The following SMCHD1 variants were observed in gnomAD, a reference collection of about 807,000 sequenced individuals.
SMCHD1 encodes structural maintenance of chromosomes flexible hinge domain-containing protein 1.
SMCHD1 carries 78 observed loss-of-function variants against 254.7 expected under a neutral mutation model. That is an observed-to-expected ratio of 0.31 (90% confidence interval 0.26 to 0.37). The LOEUF (loss-of-function observed/expected upper bound fraction) is 0.37, where lower values mean the gene tolerates loss of function less well. Among genes scored for constraint, SMCHD1 ranks in the 10% least tolerant of loss-of-function variants. The probability of loss-of-function intolerance (pLI) is 1.00; values close to 1 mark genes in which losing one functional copy is unlikely to be tolerated. For synonymous variants in SMCHD1, 766 were observed against 794.9 expected (o/e 0.96, Z 0.61); for missense variants, 1,840 against 2,408.1 (o/e 0.76, Z 4.94).
chr18:2,763,719 A>G lies in SMCHD1; in HGVS notation c.4649A>G (p.Asp1550Gly), dbSNP rs762690098. 1 of 1,610,040 alleles carries G rather than the reference A, an allele frequency of 6.2e-7. No homozygotes were observed. The highest frequency in any genetic ancestry group is 1.1e-5 in the South Asian group (1 of 90,566). The change falls in exon 37 of 48, where the codon GAT becomes GGT. Residue 1550 changes from aspartate (D) to glycine (G), a missense_variant. Around this residue, in one of 9 missense-constraint regions of SMCHD1, gnomAD observed 881 missense variants for 1,009.5 expected, o/e 0.87. Coordinates refer to ENST00000320876, the MANE Select transcript of SMCHD1 (RefSeq NM_015295.3). ...AAAGGCTCTAATGAGGAAGATACTG[A>G]TACCCCACTTTTTATTGGGAAAGTT... is the stretch of plus-strand genomic sequence containing the variant. ...TIKGSNEEDT[D>G]TPLFIGKVRT...
At position 2,656,010 on chromosome 18, in the gene SMCHD1, G is replaced by C; in HGVS notation, c.-66G>C. On this transcript the variant is annotated 5_prime_UTR_variant, in exon 1 of 48. Transcript: ENST00000320876. ...GAGCTGGAGCTGAAGGCGCCGCGCGGAGCGCGCACCTCAGCCCTGAGCCCG... is the reference window on the plus strand; with the variant it reads ...GAGCTGGAGCTGAAGGCGCCGCGCGCAGCGCGCACCTCAGCCCTGAGCCCG... 8.1e-6 allele frequency: 10 copies of C among 1,227,914 alleles called. No homozygotes were observed. The highest frequency in any genetic ancestry group is 1.0e-5 in the Non-Finnish European group (10 of 978,692). The allele number at this position is 1,227,914 out of a possible 1,614,324, so 76.1% of individuals were successfully genotyped here. A position where few individuals can be genotyped will look rare whatever the true frequency, so the allele number is the denominator to read the frequency against.
At chr18:2,735,590 A>C (rs972186637) in intron 25 of SMCHD1, among the ~76,000 whole-genome samples, 6 of 152,236 alleles carry the variant, frequency 3.9e-5, no homozygotes, top group Non-Finnish European at 8.8e-5. Context: ...TTCAGAATGC[A>C]AAATCAGTAT....
chr18:2,685,094 A>AT (rs372694951), intron 5 of SMCHD1, among the ~76,000 whole-genome samples: 1,063 of 81,840 alleles, frequency 0.013, 174 homozygotes, highest in African/African-American at 0.05. Context: ...TCTGTCCCTT[A>AT]TTTTTTTCTT....
intron 26 of SMCHD1, among the ~76,000 whole-genome samples, 189 bp downstream of exon 26, chr18:2,738,734 GC>G (rs1298437721): frequency 6.6e-6 from 1 of 152,172 alleles, no homozygotes; most frequent in African/African-American, 2.4e-5. Context: ...CACTGAATTG[GC>G]CTTCTAGTAG....
Position 2,681,650 on chromosome 18 carries a change from G to A in SMCHD1, c.639-6744G>A, listed in dbSNP as rs544237477. On this transcript the variant is annotated intron_variant, in intron 5 of 47. Transcript: ENST00000320876. ...AACCTAGAAAATTCTCTCATAACTTGGGCACTATAAGAATTATTGCTTTAG... is the reference window on the plus strand; with the variant it reads ...AACCTAGAAAATTCTCTCATAACTTAGGCACTATAAGAATTATTGCTTTAG... Among the ~76,000 whole-genome samples, 6 of 150,772 alleles carry A rather than the reference G, an allele frequency of 4.0e-5. No individual in the cohort carries two copies. In the South Asian group the frequency reaches 1.3e-3, roughly 32 times the overall value.
chr18:2,722,458 C>T (rs1251132671), intron 19 of SMCHD1, 61 bp from the exon 20 acceptor site: 2 of 1,387,452 alleles, frequency 1.4e-6, no homozygotes, highest in South Asian at 1.3e-5. Context: ...CTGTTTTTGA[C>T]CCCCAATGGC....
intron 1 of SMCHD1, among the ~76,000 whole-genome samples, chr18:2,657,688 AT>A (rs1466829074): frequency 1.3e-5 from 2 of 151,962 alleles, no homozygotes; most frequent in African/African-American, 4.8e-5. Context: ...TATTCTATTA[AT>A]TTTTTCACTT....
intron 3 of SMCHD1, among the ~76,000 whole-genome samples, chr18:2,671,599 T>TC (rs1258551526): frequency 1.3e-4 from 19 of 145,582 alleles, no homozygotes; most frequent in South Asian, 4.4e-4. Context: ...TCTTTTCTTT[T>TC]TTTTTTTTTT....
At chr18:2,661,408 T>C (rs2073248875) in intron 1 of SMCHD1, among the ~76,000 whole-genome samples, 1 of 150,060 alleles carries the variant, frequency 6.7e-6, no homozygotes, top group Non-Finnish European at 1.5e-5. Context: ...TCTATGGGTT[T>C]TTAATATGGA....
At chr18:2,704,101 T>A (rs2074461952) in intron 13 of SMCHD1, among the ~76,000 whole-genome samples, 1 of 152,196 alleles carries the variant, frequency 6.6e-6, no homozygotes, top group African/African-American at 2.4e-5. Flanking sequence ...ATTTTTAGAT[T>A]CAATTTTTAG....
chr18:2,727,726 A>G (rs2075053314), intron 22 of SMCHD1, among the ~76,000 whole-genome samples: 1 of 152,062 alleles, frequency 6.6e-6, no homozygotes. Context: ...CGTCTTCATT[A>G]AGATTATTGT....
chr18:2,708,556 G>A (rs1163877140), intron 17 of SMCHD1, among the ~76,000 whole-genome samples: 3 of 150,204 alleles, frequency 2.0e-5, no homozygotes, highest in Admixed American at 1.3e-4. Context: ...TCACACAGAA[G>A]CACCACTCTC....
chr18:2,753,653 T>C (rs1199421993), intron 34 of SMCHD1, among the ~76,000 whole-genome samples: 2 of 152,182 alleles, frequency 1.3e-5, no homozygotes, highest in Non-Finnish European at 2.9e-5. Flanking sequence ...GCGAGCCCCC[T>C]GCCTCAGCCT....
At chr18:2,708,512 T>C in intron 17 of SMCHD1, among the ~76,000 whole-genome samples, 1 of 151,858 alleles carries the variant, frequency 6.6e-6, no homozygotes, top group African/African-American at 2.4e-5. Context: ...GCCTGGGTGG[T>C]AAAGTAAGAC....
At position 2,707,551 on chromosome 18, in the gene SMCHD1, G is replaced by T. The variant is rs759931544; in HGVS notation, c.2064-12G>T. 4 of 1,560,458 alleles carry T rather than the reference G, an allele frequency of 2.6e-6. No individual in the cohort carries two copies. In the South Asian group the frequency reaches 4.7e-5, roughly 18 times the overall value. On this transcript the variant is annotated splice_polypyrimidine_tract_variant and intron_variant, in intron 15 of 47. Coordinates refer to ENST00000320876, the MANE Select transcript of SMCHD1 (RefSeq NM_015295.3). ...AAGTTTGTGGAACATTAATATGCTG[G>T]TTTCATAACAGGCTCCCTGATAGAT...
intron 5 of SMCHD1, among the ~76,000 whole-genome samples, chr18:2,683,027 T>G (rs1460379835): frequency 3.3e-5 from 5 of 152,170 alleles, no homozygotes; most frequent in Non-Finnish European, 7.3e-5. Context: ...GGATTTATGA[T>G]TTTGTGCATT....
At chr18:2,763,535 A>G in intron 36 of SMCHD1, 102 bp from the exon 37 acceptor site, 1 of 932,294 alleles carries the variant, frequency 1.1e-6, no homozygotes, top group Non-Finnish European at 1.5e-6. Flanking sequence ...CAGATAATTT[A>G]ATGTTGGGGG....
At chr18:2,798,110 G>A (rs1208254206) in intron 47 of SMCHD1, among the ~76,000 whole-genome samples, 2 of 152,288 alleles carry the variant, frequency 1.3e-5, no homozygotes, top group African/African-American at 2.4e-5. Context: ...AACAGGTGTG[G>A]CATGTTTGAG....
rs185716264 is a variant in SMCHD1 at position 2,663,884 on chromosome 18, T to G, written c.187-2273T>G. Among the ~76,000 whole-genome samples the G allele has an allele frequency of 1.1e-4, 17 of 152,142 alleles. No homozygotes were observed. In the East Asian group the frequency reaches 2.1e-3, roughly 19 times the overall value. ...CGCCTGCCACCACGCCTGGCTAATT[T>G]TTTTGTACTTTTAGTAGAGACGGGG... is the stretch of plus-strand genomic sequence containing the variant. On this transcript the variant is annotated intron_variant, in intron 1 of 47. Transcript: ENST00000320876.
Sources: gnomAD v4.1 joint callset for allele counts (sites outside exome capture counted in the v4.1 genomes callset) on GRCh38, gnomAD v4.1.1 for gene constraint, gnomAD v4.1.1 regional missense constraint, MANE v1.5 for transcripts, NCBI Gene and HGNC (gene_info 2026-07-23, HGNC 2026-07-21) for gene names.